Variants in LAMA2 observed in about 807,000 individuals in gnomAD.
LAMA2 encodes the protein laminin subunit alpha-2.
In LAMA2, 269 loss-of-function variants were observed where a neutral mutation model predicts 364.8. The ratio of observed to expected loss-of-function variants is 0.74; its 90% CI spans 0.67 to 0.82. LAMA2 has a LOEUF of 0.82. Ranked by LOEUF, LAMA2 falls within the 40% of genes least tolerant of loss-of-function variation. The probability of loss-of-function intolerance (pLI) is 0.00; values close to 1 mark genes in which losing one functional copy is unlikely to be tolerated. For missense variants in LAMA2, 3,807 were observed against 3,873.2 expected (o/e 0.98, Z 0.45); for synonymous variants, 1,379 against 1,370.6 (o/e 1.01, Z -0.14).
At chr6:128,987,165 GTC>G (rs1202401686) in intron 1 of LAMA2, among the ~76,000 whole-genome samples, 1 of 123,708 alleles carries the variant, frequency 8.1e-6, no homozygotes, top group African/African-American at 2.8e-5. Flanking sequence ...TTGAGGCAGA[GTC>G]TCTCTCTGTC....
In LAMA2 at chr6:129,445,813, G is replaced by A. The variant is rs768685078; in HGVS notation, c.6421G>A (p.Ala2141Thr). The A allele has an allele frequency of 8.1e-6, 13 of 1,613,174 alleles. No homozygotes were observed. Among genetic ancestry groups the A allele is most frequent in the African/African-American group, 1.3e-5 (1 of 75,030 alleles). ...KELINQARKQANSIKVSVSSG... is the reference protein window; with the variant it reads ...KELINQARKQTNSIKVSVSSG... ...ATTGATAAACCAAGCTCGGAAACAA[G>A]CCAATTCTGTAAGTTCTTTTTATCG... is the stretch of plus-strand genomic sequence containing the variant. Residue 2141 changes from alanine (A) to threonine (T), a missense_variant, in exon 45 of 65, where the codon GCC becomes ACC. Physicochemically the swap from Ala to Thr is moderately conservative, Grantham distance 58. Coordinates refer to ENST00000421865, the MANE Select transcript of LAMA2 (RefSeq NM_000426.4).
chr6:129,385,699 T>C (rs905922151), intron 35 of LAMA2, among the ~76,000 whole-genome samples: 1 of 152,170 alleles, frequency 6.6e-6, no homozygotes, highest in Non-Finnish European at 1.5e-5. Flanking sequence ...AAATAAACTG[T>C]TTTATTCCAC....
chr6:129,011,105 C>G (rs1011237447), intron 1 of LAMA2, among the ~76,000 whole-genome samples: 1 of 152,060 alleles, frequency 6.6e-6, no homozygotes, highest in Non-Finnish European at 1.5e-5. Flanking sequence ...CTCAGCCTCC[C>G]GAGTAGCTGG....
At chr6:129,308,349 G>T (rs745611338) in intron 22 of LAMA2, among the ~76,000 whole-genome samples, 21 of 152,186 alleles carry the variant, frequency 1.4e-4, no homozygotes, top group Non-Finnish European at 2.2e-4. Context: ...TAAGCCCTAG[G>T]GAAACTTACA....
chr6:129,378,208 T>A (rs770706792), intron 34 of LAMA2, among the ~76,000 whole-genome samples: 17 of 152,178 alleles, frequency 1.1e-4, no homozygotes, highest in Non-Finnish European at 2.2e-4. Flanking sequence ...GACAAGATAA[T>A]AGTGAATAAG....
chr6:128,897,147 C>T (rs1162354040), intron 1 of LAMA2, among the ~76,000 whole-genome samples: 2 of 152,206 alleles, frequency 1.3e-5, no homozygotes, highest in South Asian at 2.1e-4. Context: ...CCCATGGCAG[C>T]GTGTGACCTC....
Position 129,190,185 on chromosome 6 carries a change from A to G in LAMA2, c.1468-20A>G, listed in dbSNP as rs1781446789. On this transcript the variant is annotated intron_variant, in intron 10 of 64. Transcript: ENST00000421865. ...ATGTTGAAGGATACCTCTGTTGCTG[A>G]TACATCTCTTTATTTGCAGGAAAAT... 2 of 1,612,518 alleles carry G rather than the reference A, an allele frequency of 1.2e-6. No homozygotes were observed. Among genetic ancestry groups the G allele is most frequent in the Non-Finnish European group, 1.7e-6 (2 of 1,178,792 alleles).
At chr6:129,059,597 G>T (rs1441202858) in intron 2 of LAMA2, among the ~76,000 whole-genome samples, 187 bp from the exon 3 acceptor site, 2 of 152,182 alleles carry the variant, frequency 1.3e-5, no homozygotes, top group Non-Finnish European at 2.9e-5. Flanking sequence ...CTTGTATGGT[G>T]CTATGAGACA....
intron 1 of LAMA2, among the ~76,000 whole-genome samples, chr6:128,948,326 C>T (rs777955871): frequency 6.6e-6 from 1 of 152,100 alleles, no homozygotes; most frequent in Non-Finnish European, 1.5e-5. Context: ...AGATATTATA[C>T]TGGTCCTGTG....
At chr6:129,005,657 A>G (rs372987540) in intron 1 of LAMA2, among the ~76,000 whole-genome samples, 1 of 151,288 alleles carries the variant, frequency 6.6e-6, no homozygotes, top group Non-Finnish European at 1.5e-5. Flanking sequence ...AAGTTGTTCA[A>G]TTATTCTAAA....
chr6:129,173,056 A>T (rs768561379), intron 9 of LAMA2, among the ~76,000 whole-genome samples: 233 of 152,188 alleles, frequency 1.5e-3, no homozygotes, highest in Non-Finnish European at 2.3e-3. Context: ...GCACCCACTG[A>T]CCTGCGCCCA....
chr6:128,991,054 C>T (rs963717600), intron 1 of LAMA2, among the ~76,000 whole-genome samples: 3 of 151,886 alleles, frequency 2.0e-5, no homozygotes, highest in Admixed American at 6.6e-5. Flanking sequence ...ATAAACACAG[C>T]GATGATCATT....
intron 1 of LAMA2, among the ~76,000 whole-genome samples, chr6:128,960,542 T>C (rs1310315969): frequency 6.6e-6 from 1 of 151,604 alleles, no homozygotes; most frequent in Non-Finnish European, 1.5e-5. Context: ...GTATTTTTAG[T>C]AGAGATGGGG....
chr6:129,322,251 CTATT>C (rs1775009418), intron 28 of LAMA2, among the ~76,000 whole-genome samples: 1 of 152,174 alleles, frequency 6.6e-6, no homozygotes, highest in African/African-American at 2.4e-5. Context: ...TTTCCTACAT[CTATT>C]TATACACACA....
At chr6:129,216,120 C>A (rs1393946920) in intron 12 of LAMA2, among the ~76,000 whole-genome samples, 1 of 152,120 alleles carries the variant, frequency 6.6e-6, no homozygotes, top group African/African-American at 2.4e-5. Flanking sequence ...TGATGGATAG[C>A]CACAAAACAA....
At chr6:129,076,518 A>T (rs1773666378) in intron 3 of LAMA2, among the ~76,000 whole-genome samples, 2 of 144,544 alleles carry the variant, frequency 1.4e-5, no homozygotes. Flanking sequence ...TATATAATAT[A>T]TATAAAATTA....
rs1775913080 is a variant in LAMA2, at chr6:128,883,278, GC to G, written c.34del (p.Leu12CysfsTer33). ...PGAAGVLLLLLLSGGLGGVQA... is the reference protein window; with the variant it reads ...PGAAGVLLLLXLSGGLGGVQA... ...GAGCCGCCGGGGTCCTCCTCCTTCT[GC>G]TGCTCTCCGGAGGCCTCGGGGGCGT... On this transcript the variant is annotated frameshift_variant, in exon 1 of 65. Transcript: ENST00000421865. LOFTEE classifies it high-confidence loss of function. 1 of 1,569,392 alleles carries G rather than the reference GC, an allele frequency of 6.4e-7. No individual in the cohort carries two copies. The highest frequency in any genetic ancestry group is 1.4e-5 in the African/African-American group (1 of 74,054).
At chr6:129,233,840 T>A (rs748698919) in intron 12 of LAMA2, among the ~76,000 whole-genome samples, 1 of 152,208 alleles carries the variant, frequency 6.6e-6, no homozygotes, top group African/African-American at 2.4e-5. Context: ...TTGTCCTTTT[T>A]TTCCTTTTCC....
intron 2 of LAMA2, among the ~76,000 whole-genome samples, 184 bp from the exon 3 acceptor site, chr6:129,059,600 A>G (rs758335956): frequency 6.6e-6 from 1 of 152,188 alleles, no homozygotes. Flanking sequence ...GTATGGTGCT[A>G]TGAGACAGCT....
Sources: allele counts gnomAD v4.1 joint callset (sites outside exome capture counted in the v4.1 genomes callset), GRCh38; gene constraint gnomAD v4.1.1; transcripts MANE v1.5; gene names NCBI Gene and HGNC (gene_info 2026-07-23, HGNC 2026-07-21).